Variants in SGCD observed in about 807,000 individuals in gnomAD.
SGCD encodes the protein sarcoglycan delta.
SGCD carries 18 observed loss-of-function variants against 36.6 expected under a neutral mutation model. That is an observed-to-expected ratio of 0.49 (90% confidence interval 0.34 to 0.73). SGCD has a LOEUF of 0.73. Among genes scored for constraint, SGCD ranks in the 30% least tolerant of loss-of-function variants. The pLI, the probability that SGCD is intolerant of heterozygous loss-of-function variation, is 0.01. For synonymous variants in SGCD, 133 were observed against 130.6 expected, an observed-to-expected ratio of 1.02 and a Z score of -0.12; for missense variants, 387 against 346.7, an observed-to-expected ratio of 1.12 and a Z score of -0.92.
At chr5:155,925,411 C>A (rs1253138416) in intron 1 of SGCD, among the ~76,000 whole-genome samples, 2 of 152,194 alleles carry the variant, frequency 1.3e-5, no homozygotes, top group African/African-American at 2.4e-5. Flanking sequence ...CCAGCCAAGG[C>A]CACATTCTCT....
Position 156,683,882 on chromosome 5 carries a change from T to C in SGCD, c.575+36346T>C, listed in dbSNP as rs185982046. Among the ~76,000 whole-genome samples, 127 of 152,362 alleles carry C rather than the reference T, an allele frequency of 8.3e-4. 2 individuals carry two copies. The highest frequency in any genetic ancestry group is 6.8e-3 in the Middle Eastern group (2 of 294). On this transcript the variant is annotated intron_variant, in intron 7 of 8. Transcript: ENST00000337851. ...ACATCTAATGGAATGACATAGCTAT[T>C]CTAATTCAAGGGAAACTTTCAGGAG...
chr5:155,868,746 G>T (rs2113269627), upstream of SGCD, among the ~76,000 whole-genome samples: 1 of 152,276 alleles, frequency 6.6e-6, no homozygotes, highest in Non-Finnish European at 1.5e-5. Flanking sequence ...GCTTAAGTTA[G>T]CTGAAATGGA....
Position 156,760,523 on chromosome 5 carries a change from C to G in SGCD, c.*1133C>G, listed in dbSNP as rs1367793789. ...TGCCGGGATATTCATATTCCTAAAG[C>G]CACTATTGTGTTTTCTCTAAGAAGC... is the stretch of plus-strand genomic sequence containing the variant. On this transcript the variant is annotated 3_prime_UTR_variant, in exon 9 of 9. Coordinates refer to ENST00000337851, the MANE Select transcript of SGCD (RefSeq NM_000337.6). 1 of 152,480 alleles carries G rather than the reference C, an allele frequency of 6.6e-6. No individual in the cohort carries two copies. The highest frequency in any genetic ancestry group is 2.4e-5 in the African/African-American group (1 of 41,434). The allele number at this position is 152,480 out of a possible 1,614,324, so 9.4% of individuals were successfully genotyped here.
the SGCD span, among the ~76,000 whole-genome samples, chr5:155,757,544 A>C: frequency 6.6e-6 from 1 of 152,182 alleles, no homozygotes; most frequent in Non-Finnish European, 1.5e-5. Flanking sequence ...ACAGAGCAGG[A>C]TGATCGACCC....
At chr5:156,417,726 A>G (rs1178534576) in intron 3 of SGCD, among the ~76,000 whole-genome samples, 3 of 151,964 alleles carry the variant, frequency 2.0e-5, no homozygotes, top group Non-Finnish European at 4.4e-5. Flanking sequence ...ACCTTAATCA[A>G]CTTCTCAGAA....
At chr5:156,649,791 A>G (rs1333347950) in intron 7 of SGCD, among the ~76,000 whole-genome samples, 2 of 152,086 alleles carry the variant, frequency 1.3e-5, no homozygotes, top group South Asian at 2.1e-4. Context: ...CAGCACACCA[A>G]CATGGCACAT....
chr5:156,558,088 AAT>A (rs67339181), intron 4 of SGCD, among the ~76,000 whole-genome samples: 17,749 of 95,132 alleles, frequency 0.19, 1,582 homozygotes, highest in Middle Eastern at 0.24. Flanking sequence ...AGTAAATACA[AAT>A]ATATATATAT....
At chr5:156,545,829 G>T (rs922555732) in intron 4 of SGCD, among the ~76,000 whole-genome samples, 5 of 152,180 alleles carry the variant, frequency 3.3e-5, no homozygotes, top group Non-Finnish European at 7.3e-5. Context: ...TCTGCGGGAA[G>T]CCCAATACTG....
intron 1 of SGCD, among the ~76,000 whole-genome samples, chr5:156,070,670 C>G (rs1347743677): frequency 6.6e-6 from 1 of 152,110 alleles, no homozygotes; most frequent in African/African-American, 2.4e-5. Context: ...AGGATTCCCC[C>G]TTTTTCTATT....
the SGCD span, among the ~76,000 whole-genome samples, chr5:155,810,818 TTTTTTTTTTTTTTTTTTG>T: frequency 9.4e-6 from 1 of 106,724 alleles, no homozygotes; most frequent in African/African-American, 3.9e-5. Context: ...TTTTTTTTTT[TTTTTTTTTTTTTTTTTTG>T]AGACGGAGTC....
chr5:155,892,459 G>GA (rs70981989), intron 1 of SGCD, among the ~76,000 whole-genome samples: 197 of 94,258 alleles, frequency 2.1e-3, no homozygotes, highest in African/African-American at 3.9e-3. Flanking sequence ...ATCTGAAAAA[G>GA]AAAAAAAAAA....
intron 3 of SGCD, among the ~76,000 whole-genome samples, chr5:156,491,490 C>T (rs1471085499): frequency 2.6e-5 from 4 of 152,092 alleles, no homozygotes; most frequent in African/African-American, 9.7e-5. Context: ...TAAAAATGGA[C>T]ACATAGACCA....
At chr5:155,919,338 T>C (rs554811473) in intron 1 of SGCD, among the ~76,000 whole-genome samples, 1 of 152,338 alleles carries the variant, frequency 6.6e-6, no homozygotes, top group Non-Finnish European at 1.5e-5. Context: ...TTTTCCACTG[T>C]GGAAAATAAT....
intron 3 of SGCD, among the ~76,000 whole-genome samples, chr5:156,388,997 G>A (rs1367858456): frequency 6.6e-6 from 1 of 152,108 alleles, no homozygotes; most frequent in African/African-American, 2.4e-5. Flanking sequence ...ACAAGGGGAA[G>A]GTACAATACA....
chr5:156,386,956 A>G (rs1451482113), intron 3 of SGCD, among the ~76,000 whole-genome samples: 3 of 152,218 alleles, frequency 2.0e-5, no homozygotes, highest in Non-Finnish European at 4.4e-5. Context: ...AGTACACACC[A>G]GTTAAAAGTG....
At chr5:156,628,412 C>G (rs999204522) in intron 6 of SGCD, among the ~76,000 whole-genome samples, 6 of 152,126 alleles carry the variant, frequency 3.9e-5, no homozygotes, top group East Asian at 3.8e-4. Context: ...AAAGGAAATG[C>G]CTTTGTTCAA....
intron 1 of SGCD, among the ~76,000 whole-genome samples, chr5:156,035,055 G>A (rs1292755311): frequency 6.6e-6 from 1 of 152,114 alleles, no homozygotes; most frequent in Non-Finnish European, 1.5e-5. Flanking sequence ...AAGGCAATTA[G>A]TGAGACATAA....
chr5:155,735,031 C>G, the SGCD span, among the ~76,000 whole-genome samples: 2 of 152,176 alleles, frequency 1.3e-5, no homozygotes, highest in African/African-American at 2.4e-5. Flanking sequence ...TCTACAGCAC[C>G]CAGGTCAGTG....
rs557228291 is a variant in SGCD, at chr5:156,096,047, A to G, written c.-281-21831A>G. ...TGAAACATAGAAGGCAGCCAGTGCC[A>G]TGGCAGGAAGAGAAGGGACATTGCC... On this transcript the variant is annotated intron_variant, in intron 1 of 9. Transcript: ENST00000517913. Among the ~76,000 whole-genome samples the G allele has an allele frequency of 2.6e-5, 4 of 152,334 alleles. No individual in the cohort carries two copies. The South Asian group carries it at 8.3e-4, about 32-fold the overall frequency.
Sources: gnomAD v4.1 joint callset for allele counts (sites outside exome capture counted in the v4.1 genomes callset) on GRCh38, gnomAD v4.1.1 for gene constraint, MANE v1.5 for transcripts, NCBI Gene and HGNC (gene_info 2026-07-23, HGNC 2026-07-21) for gene names.